CLMN: variants seen among roughly 807,000 people sequenced by gnomAD.
The protein encoded by CLMN is calmin.
In CLMN, 57 loss-of-function variants were observed where a neutral mutation model predicts 92.7. The observed-to-expected ratio is 0.61, with a 90% confidence interval of 0.50 to 0.77. The LOEUF (loss-of-function observed/expected upper bound fraction) is 0.77. Among genes scored for constraint, CLMN ranks in the 30% least tolerant of loss-of-function variants. The pLI is 0.00. For missense variants in CLMN, 1,158 were observed against 1,237.5 expected, an observed-to-expected ratio of 0.94 and a Z score of 0.96; for synonymous variants, 466 against 470.6, an observed-to-expected ratio of 0.99 and a Z score of 0.13.
chr14:95,303,475 G>A (rs901449944), intron 1 of CLMN, among the ~76,000 whole-genome samples: 12 of 152,212 alleles, frequency 7.9e-5, no homozygotes, highest in African/African-American at 1.9e-4. Context: ...GGACCTTGGC[G>A]GGGAGTTCAT....
intron 4 of CLMN, among the ~76,000 whole-genome samples, chr14:95,216,401 C>T (rs2140605522): frequency 6.6e-6 from 1 of 152,344 alleles, no homozygotes; most frequent in African/African-American, 2.4e-5. Flanking sequence ...GTAGGTACTT[C>T]TATTGTCCCT....
chr14:95,203,881 C>G lies in CLMN; in HGVS notation c.1468G>C (p.Ala490Pro), dbSNP rs370412408. Residue 490 changes from alanine to proline, a missense_variant, in exon 9 of 13, where the codon GCT (alanine) becomes CCT (proline). Physicochemically the swap from Ala to Pro is conservative, Grantham distance 27 (BLOSUM62 -1). Transcript: ENST00000298912. ...CCCTCCACCAAAAAAATGTCACCAG[C>G]GACCTTGTCAGAGGAGGATTCTGGA... The part of the protein sequence containing the change: ...KIPESSSDKV[A>P]GDIFLVEGTN... 9.3e-6 allele frequency: 15 copies of G among 1,614,058 alleles called. No individual in the cohort carries two copies. In the African/African-American group the frequency reaches 2.0e-4, roughly 22 times the overall value.
chr14:95,221,986 G>A (rs974483052), intron 3 of CLMN, among the ~76,000 whole-genome samples: 6 of 152,168 alleles, frequency 3.9e-5, no homozygotes, highest in East Asian at 3.8e-4. Context: ...CTCAAAGGTC[G>A]GCCTTATTTA....
At chr14:95,218,386 C>T (rs546717387) in intron 4 of CLMN, among the ~76,000 whole-genome samples, 21 of 152,258 alleles carry the variant, frequency 1.4e-4, no homozygotes, top group Admixed American at 5.9e-4. Flanking sequence ...ATCTCTGACA[C>T]GGGCATAAAC....
intron 1 of CLMN, among the ~76,000 whole-genome samples, chr14:95,292,031 C>A (rs907449786): frequency 6.6e-6 from 1 of 152,244 alleles, no homozygotes; most frequent in Non-Finnish European, 1.5e-5. Context: ...CGTGTTCCCA[C>A]GTCCTCATCT....
chr14:95,206,454 A>G (rs1383560832), intron 8 of CLMN, among the ~76,000 whole-genome samples: 1 of 152,236 alleles, frequency 6.6e-6, no homozygotes, highest in African/African-American at 2.4e-5. Flanking sequence ...TTAACTGTAT[A>G]AGACCCGTTC....
At chr14:95,255,104 C>G (rs1214629583) in intron 1 of CLMN, among the ~76,000 whole-genome samples, 1 of 152,182 alleles carries the variant, frequency 6.6e-6, no homozygotes, top group African/African-American at 2.4e-5. Context: ...GGTGCATGCA[C>G]AGAGAGGGAT....
intron 1 of CLMN, among the ~76,000 whole-genome samples, chr14:95,288,692 C>A (rs1318340622): frequency 6.6e-6 from 1 of 152,164 alleles, no homozygotes; most frequent in Non-Finnish European, 1.5e-5. Flanking sequence ...CCCTTTGATT[C>A]CACAATTCCA....
At chr14:95,246,638 T>C (rs1367140842) in intron 1 of CLMN, among the ~76,000 whole-genome samples, 1 of 152,134 alleles carries the variant, frequency 6.6e-6, no homozygotes, top group African/African-American at 2.4e-5. Context: ...CAGCTAATTT[T>C]TTGTATTTTT....
chr14:95,319,696 C>T lies in CLMN; in HGVS notation c.82+15G>A. 6.3e-7 allele frequency: 1 copy of T among 1,590,118 alleles called. No homozygotes were observed. Among genetic ancestry groups the T allele is most frequent in the Non-Finnish European group, 8.5e-7 (1 of 1,173,638 alleles). On this transcript the variant is annotated intron_variant, in intron 1 of 12. Transcript: ENST00000298912. ...GAGCGCCCAGCCATCCCGGGGCGAG[C>T]CTGGGCTGCGTTACCTTGCAGGTTC...
intron 1 of CLMN, among the ~76,000 whole-genome samples, chr14:95,251,155 G>C (rs1270671035): frequency 6.6e-6 from 1 of 152,158 alleles, no homozygotes; most frequent in Non-Finnish European, 1.5e-5. Flanking sequence ...GTAATGGGGG[G>C]TGGGTGTCGC....
intron 2 of CLMN, among the ~76,000 whole-genome samples, chr14:95,229,437 GGA>G (rs1205670371): frequency 6.6e-6 from 1 of 152,152 alleles, no homozygotes; most frequent in African/African-American, 2.4e-5. Context: ...AAGAAACAGA[GGA>G]ATAGAAGGGC....
chr14:95,224,346 A>T (rs549279121), intron 2 of CLMN, among the ~76,000 whole-genome samples: 1 of 152,206 alleles, frequency 6.6e-6, no homozygotes, highest in East Asian at 1.9e-4. Context: ...GCAGTGGCAC[A>T]ATTTTGGCTC....
intron 1 of CLMN, among the ~76,000 whole-genome samples, chr14:95,265,189 C>T (rs1365598205): frequency 1.3e-5 from 2 of 151,486 alleles, no homozygotes; most frequent in East Asian, 1.9e-4. Flanking sequence ...TGCAGTGAGC[C>T]GAGACTGTGC....
chr14:95,273,597 C>A (rs1368022010), intron 1 of CLMN, among the ~76,000 whole-genome samples: 1 of 152,162 alleles, frequency 6.6e-6, no homozygotes, highest in Admixed American at 6.5e-5. Context: ...TGTGATGGTG[C>A]CGTAATAACC....
At chr14:95,232,485 T>C (rs746756936) in intron 1 of CLMN, among the ~76,000 whole-genome samples, 15 of 152,244 alleles carry the variant, frequency 9.9e-5, no homozygotes, top group Non-Finnish European at 2.2e-4. Flanking sequence ...CACGTTTCAA[T>C]ATTATGCCTT....
intron 1 of CLMN, among the ~76,000 whole-genome samples, chr14:95,284,677 CT>C (rs559353227): frequency 2.0e-5 from 3 of 152,064 alleles, no homozygotes; most frequent in South Asian, 2.1e-4. Flanking sequence ...CCTGTAACCC[CT>C]TTTTTTGGCC....
chr14:95,222,497 G>A (rs1897577433), intron 3 of CLMN: 1 of 451,564 alleles, frequency 2.2e-6, no homozygotes, highest in East Asian at 7.0e-5. Flanking sequence ...TGAAGTGCCA[G>A]GCCACGCTCA....
At chr14:95,310,756 G>C (rs900105199) in intron 1 of CLMN, among the ~76,000 whole-genome samples, 1 of 152,290 alleles carries the variant, frequency 6.6e-6, no homozygotes, top group Non-Finnish European at 1.5e-5. Flanking sequence ...AGGCTGTTCT[G>C]GGCATGGTCA....
Sources: gnomAD v4.1 joint callset for allele counts (sites outside exome capture counted in the v4.1 genomes callset) on GRCh38, gnomAD v4.1.1 for gene constraint, MANE v1.5 for transcripts, NCBI Gene and HGNC (gene_info 2026-07-23, HGNC 2026-07-21) for gene names.